The following MEF2C variants were observed in gnomAD, a reference collection of about 807,000 sequenced individuals.
The protein encoded by MEF2C is myocyte-specific enhancer factor 2C.
MEF2C carries 6 observed loss-of-function variants against 50.5 expected under a neutral mutation model. That is an observed-to-expected ratio of 0.12 (90% CI 0.07 to 0.23). MEF2C has a LOEUF of 0.23. Among genes scored for constraint, MEF2C ranks in the 10% least tolerant of loss-of-function variants. MEF2C has a pLI of 1.00. For missense variants in MEF2C, 276 were observed against 605.0 expected (o/e 0.46, Z 5.70); for synonymous variants, 183 against 228.0 (o/e 0.80, Z 1.78).
At chr5:88,809,412 T>G (rs1395710919) in intron 2 of MEF2C, among the ~76,000 whole-genome samples, 1 of 152,206 alleles carries the variant, frequency 6.6e-6, no homozygotes, top group Non-Finnish European at 1.5e-5. Context: ...CAATATTTAT[T>G]GAATATTCTC....
intron 8 of MEF2C, chr5:88,729,606 G>C (rs1430523837): frequency 4.7e-6 from 2 of 424,326 alleles, no homozygotes; most frequent in African/African-American, 2.0e-5. Context: ...TTTATTATGG[G>C]TAAAAACAGA....
intron 3 of MEF2C, among the ~76,000 whole-genome samples, chr5:88,778,416 C>G (rs1406610238): frequency 6.6e-6 from 1 of 152,180 alleles, no homozygotes; most frequent in Non-Finnish European, 1.5e-5. Flanking sequence ...AAGCCAACCA[C>G]TTGCCTCTTC....
intron 2 of MEF2C, among the ~76,000 whole-genome samples, chr5:88,810,370 A>G (rs1562163578): frequency 6.6e-6 from 1 of 152,182 alleles, no homozygotes; most frequent in Admixed American, 6.6e-5. Flanking sequence ...TTCAAGAAAA[A>G]TATACTTCAA....
In MEF2C at chr5:88,731,897, G is replaced by A. The variant is rs79455305; in HGVS notation, c.642C>T (p.Asn214=). 2.4e-4 allele frequency: 379 copies of A among 1,606,346 alleles called. 3 individuals are homozygous for A. The East Asian group carries it at 7.3e-3, about 31-fold the overall frequency. The change falls in exon 7 of 11, where the codon AAC becomes AAT. Residue 214 remains asparagine, a synonymous_variant. Coordinates refer to ENST00000504921, the MANE Select transcript of MEF2C (RefSeq NM_002397.5). ...GTGAGTTTCGGGGATTGCCATACCC[G>A]TTCCCTGTTAACAAAAAACAATAAA... is the stretch of plus-strand genomic sequence containing the variant. ...LTSGAGTSAG[N]GYGNPRNSPG...
chr5:88,840,235 T>A (rs1257254850), intron 1 of MEF2C, among the ~76,000 whole-genome samples: 1 of 152,216 alleles, frequency 6.6e-6, no homozygotes, highest in African/African-American at 2.4e-5. Flanking sequence ...TTATAGCTAA[T>A]CCCTCACAGA....
At chr5:88,819,597 T>C (rs955979494) in intron 2 of MEF2C, among the ~76,000 whole-genome samples, 1 of 152,000 alleles carries the variant, frequency 6.6e-6, no homozygotes, top group African/African-American at 2.4e-5. Context: ...TAGCACTTCC[T>C]CAGGCCTTTC....
intron 7 of MEF2C, 62 bp downstream of exon 7, chr5:88,731,666 TA>T: frequency 1.4e-6 from 2 of 1,464,172 alleles, no homozygotes; most frequent in Non-Finnish European, 1.9e-6. Flanking sequence ...TAGACAAATA[TA>T]AAAACAGCAA....
chr5:88,885,886 A>G (rs924481619), upstream of MEF2C, among the ~76,000 whole-genome samples: 5 of 152,172 alleles, frequency 3.3e-5, no homozygotes, highest in African/African-American at 1.2e-4. Context: ...ACCACAGTAC[A>G]CTTCAGTTTT....
At chr5:88,775,922 A>T (rs1784526479) in intron 3 of MEF2C, 1 of 448,722 alleles carries the variant, frequency 2.2e-6, no homozygotes, top group Non-Finnish European at 2.9e-6. Context: ...TAAAGCAGAG[A>T]TGGGAGCATA....
chr5:88,821,467 G>A (rs1255434571), intron 2 of MEF2C, among the ~76,000 whole-genome samples: 1 of 151,684 alleles, frequency 6.6e-6, no homozygotes, highest in Non-Finnish European at 1.5e-5. Context: ...ATCTCCTTAT[G>A]TTGCCCAGGC....
intron 1 of MEF2C, among the ~76,000 whole-genome samples, chr5:88,858,307 C>T (rs1824214222): frequency 6.6e-6 from 1 of 152,196 alleles, no homozygotes; most frequent in South Asian, 2.1e-4. Context: ...GTGTAATATT[C>T]ACCTACAATA....
intron 6 of MEF2C, chr5:88,738,849 T>C (rs1765227124): frequency 1.0e-6 from 1 of 985,194 alleles, no homozygotes; most frequent in South Asian, 4.7e-5. Context: ...AATGGTGATG[T>C]TCAAACCATA....
chr5:88,798,891 GTCAGGCACC>G (rs1797121233), intron 3 of MEF2C, among the ~76,000 whole-genome samples: 1 of 152,146 alleles, frequency 6.6e-6, no homozygotes, highest in Non-Finnish European at 1.5e-5. Context: ...CCTTTTAACA[GTCAGGCACC>G]TCTGCTGCAG....
At chr5:88,880,028 G>C (rs1298289225) in intron 1 of MEF2C, among the ~76,000 whole-genome samples, 2 of 150,098 alleles carry the variant, frequency 1.3e-5, no homozygotes, top group African/African-American at 4.9e-5. Flanking sequence ...GAACAGTCAA[G>C]CTTTACTGAG....
chr5:88,884,071 A>C (rs1319181803), upstream of MEF2C, among the ~76,000 whole-genome samples: 17 of 152,216 alleles, frequency 1.1e-4, no homozygotes, highest in Non-Finnish European at 1.5e-5. Context: ...CAACACGGCG[A>C]GCTGCGGCTC....
chr5:88,900,288 C>T (rs914597319), intron 1 of MEF2C, among the ~76,000 whole-genome samples: 3 of 151,574 alleles, frequency 2.0e-5, no homozygotes, highest in African/African-American at 4.8e-5. Flanking sequence ...GTTATATATA[C>T]ACACACATAA....
chr5:88,778,066 G>A (rs564470838), intron 3 of MEF2C, among the ~76,000 whole-genome samples: 36 of 151,680 alleles, frequency 2.4e-4, no homozygotes, highest in Non-Finnish European at 3.8e-4. Flanking sequence ...CACCACGCCC[G>A]GCTAATTTTG....
At chr5:88,741,118 C>T (rs1471234345) in intron 6 of MEF2C, 55 of 985,402 alleles carry the variant, frequency 5.6e-5, no homozygotes, top group East Asian at 1.1e-4. Context: ...GCTTTACTTC[C>T]ACCCTTGAGG....
At chr5:88,760,435 T>C (rs1777323628) in intron 4 of MEF2C, among the ~76,000 whole-genome samples, 1 of 152,224 alleles carries the variant, frequency 6.6e-6, no homozygotes, top group Admixed American at 6.5e-5. Context: ...ACCATTAGGT[T>C]TCATGCAGTC....
Sources: gnomAD v4.1 joint callset for allele counts (sites outside exome capture counted in the v4.1 genomes callset) on GRCh38, gnomAD v4.1.1 for gene constraint, MANE v1.5 for transcripts, NCBI Gene and HGNC (gene_info 2026-07-23, HGNC 2026-07-21) for gene names.